Variants in ERC1 observed in about 807,000 individuals in gnomAD.
The protein encoded by ERC1 is RAB6 interacting protein 2.
Under a neutral mutation model 132.0 loss-of-function variants are expected in ERC1, and 56 were observed. That is an observed-to-expected ratio of 0.42 (90% CI 0.34 to 0.53). The LOEUF is 0.53. Among genes scored for constraint, ERC1 ranks in the 20% least tolerant of loss-of-function variants. The pLI, the probability that ERC1 is intolerant of heterozygous loss-of-function variation, is 0.03. For synonymous variants in ERC1, 478 were observed against 476.1 expected, an observed-to-expected ratio of 1.00 and a Z score of -0.05; for missense variants, 1,202 against 1,349.9, an observed-to-expected ratio of 0.89 and a Z score of 1.72.
intron 15 of ERC1, among the ~76,000 whole-genome samples, chr12:1,326,210 A>G (rs2082434435): frequency 6.6e-6 from 1 of 152,194 alleles, no homozygotes; most frequent in Non-Finnish European, 1.5e-5. Context: ...GGTAAAGTGA[A>G]CAAGGTGTTA....
rs559962810 is a variant in ERC1 at position 1,241,642 on chromosome 12, TTTAAC to T, written c.2487+4747_2487+4751del. On this transcript the variant is annotated intron_variant, in intron 13 of 18. Transcript: ENST00000360905. ...ATTGCTTTAATGCATGTGGAATTTATTTAACTTAACTTACAAAACATAGATTTAAA... is the reference window on the plus strand; with the variant it reads ...ATTGCTTTAATGCATGTGGAATTTATTTAACTTACAAAACATAGATTTAAA... Among the ~76,000 whole-genome samples, 249 of 152,232 alleles carry T rather than the reference TTTAAC, an allele frequency of 1.6e-3. 1 individual carries two copies. Among genetic ancestry groups the T allele is most frequent in the Middle Eastern group, 6.8e-3 (2 of 294 alleles).
intron 8 of ERC1, among the ~76,000 whole-genome samples, chr12:1,147,013 C>T (rs1363298244): frequency 6.6e-6 from 1 of 152,120 alleles, no homozygotes; most frequent in African/African-American, 2.4e-5. Flanking sequence ...TTTCTTAATC[C>T]AGTCTATCGT....
intron 16 of ERC1, among the ~76,000 whole-genome samples, chr12:1,389,148 C>T (rs1220852657): frequency 1.3e-5 from 2 of 152,074 alleles, no homozygotes; most frequent in African/African-American, 4.8e-5. Context: ...AAGTGGTCTC[C>T]CTAATTAAAA....
At chr12:1,448,563 A>T (rs1037201446) in intron 18 of ERC1, among the ~76,000 whole-genome samples, 2 of 152,198 alleles carry the variant, frequency 1.3e-5, no homozygotes, top group African/African-American at 4.8e-5. Context: ...ATATTGGTTT[A>T]TTTTGTGTGC....
chr12:1,122,492 T>A (rs2154220084), intron 7 of ERC1, among the ~76,000 whole-genome samples: 1 of 87,704 alleles, frequency 1.1e-5, no homozygotes, highest in South Asian at 3.2e-4. Context: ...TCTCTATCTC[T>A]ATCTCTATCT....
At chr12:1,200,725 GT>G (rs1325412758) in intron 12 of ERC1, among the ~76,000 whole-genome samples, 3 of 151,870 alleles carry the variant, frequency 2.0e-5, no homozygotes, top group Admixed American at 2.0e-4. Flanking sequence ...CAGCCGGCTA[GT>G]TTTTTGTATT....
At chr12:1,059,665 C>T (rs989938468) in intron 2 of ERC1, among the ~76,000 whole-genome samples, 4 of 152,030 alleles carry the variant, frequency 2.6e-5, no homozygotes, top group African/African-American at 7.2e-5. Context: ...TTGAACCATC[C>T]TTGCATCCCT....
intron 18 of ERC1, among the ~76,000 whole-genome samples, chr12:1,461,907 A>G (rs1479095209): frequency 6.6e-6 from 1 of 152,196 alleles, no homozygotes; most frequent in Non-Finnish European, 1.5e-5. Flanking sequence ...ACTGGGAAAA[A>G]ATATTCACTA....
At position 1,180,599 on chromosome 12, in the gene ERC1, A is replaced by C; in HGVS notation, c.1797A>C (p.Glu599Asp). The C allele has an allele frequency of 6.2e-7, 1 of 1,614,082 alleles. No homozygotes were observed. The highest frequency in any genetic ancestry group is 2.2e-5 in the East Asian group (1 of 44,886). ...DKEKQMSSLK[E>D]RVKSLQADTT... ...AAAAGCAGATGAGCAGCTTGAAAGA[A>C]CGGGTCAAATCCTTGCAGGCTGACA... is the stretch of plus-strand genomic sequence containing the variant. Residue 599 changes from glutamate (E) to aspartate (D), a missense_variant, in exon 9 of 19, where the codon GAA (glutamate) becomes GAC (aspartate). Coordinates refer to ENST00000360905, the MANE Select transcript of ERC1 (RefSeq NM_178040.4).
rs140406973 is a variant in ERC1 at position 1,266,037 on chromosome 12, A to G, written c.2619+2872A>G. Among the ~76,000 whole-genome samples the G allele has an allele frequency of 1.3e-4, 20 of 152,296 alleles. No individual in the cohort carries two copies. The East Asian group carries it at 3.1e-3, about 24-fold the overall frequency. ...TTCACATGCAGACTTTGGTGTGGAT[A>G]TAAGTTTTCAGCTCATTTGGGTAAA... On this transcript the variant is annotated intron_variant, in intron 14 of 18. Transcript: ENST00000360905.
At chr12:1,170,844 T>A (rs2154265783) in intron 8 of ERC1, among the ~76,000 whole-genome samples, 1 of 152,284 alleles carries the variant, frequency 6.6e-6, no homozygotes, top group African/African-American at 2.4e-5. Flanking sequence ...ACTCTGAAAA[T>A]ATATTTTCTT....
chr12:1,237,614 C>G (rs557742850), intron 13 of ERC1, among the ~76,000 whole-genome samples: 7 of 152,322 alleles, frequency 4.6e-5, no homozygotes, highest in African/African-American at 1.4e-4. Flanking sequence ...ATACATTTTG[C>G]ACCGGGGGAA....
intron 15 of ERC1, among the ~76,000 whole-genome samples, chr12:1,335,194 C>G (rs892465709): frequency 6.6e-6 from 1 of 152,166 alleles, no homozygotes; most frequent in Admixed American, 6.5e-5. Context: ...TTAATTTCCT[C>G]TCTTCCCATT....
chr12:1,136,124 C>T (rs1949228556), intron 7 of ERC1, among the ~76,000 whole-genome samples: 1 of 152,178 alleles, frequency 6.6e-6, no homozygotes, highest in African/African-American at 2.4e-5. Context: ...CTCTTTTATC[C>T]CTTATATACA....
chr12:1,121,936 T>TTG lies in ERC1; in HGVS notation c.1569+5903_1569+5904insTG, dbSNP rs1566015944. Among the ~76,000 whole-genome samples, 8 of 2,810 alleles carry TTG rather than the reference T, an allele frequency of 2.8e-3. 1 individual carries two copies. In the Non-Finnish European group the frequency reaches 0.08, roughly 28 times the overall value. The allele number at this position is 2,810 out of a possible 152,430, so 1.8% of individuals were successfully genotyped here. On this transcript the variant is annotated intron_variant, in intron 7 of 18. Coordinates refer to ENST00000360905, the MANE Select transcript of ERC1 (RefSeq NM_178040.4). ...CTATCTCTATCTCTATCTGTGTCTC[T>TTG]ATCTATCTCTATCTCTATCTCTATC...
At chr12:1,322,789 G>T (rs1401008927) in intron 15 of ERC1, among the ~76,000 whole-genome samples, 1 of 151,960 alleles carries the variant, frequency 6.6e-6, no homozygotes, top group African/African-American at 2.4e-5. Flanking sequence ...CTTTTAACTT[G>T]GTTCTCCAGC....
intron 11 of ERC1, among the ~76,000 whole-genome samples, chr12:1,188,265 G>A (rs2968900): frequency 1.3e-5 from 2 of 151,648 alleles, no homozygotes; most frequent in Non-Finnish European, 2.9e-5. Flanking sequence ...CAATCTCTTC[G>A]CCTTTGTTGT....
Position 1,256,683 on chromosome 12 carries a change from T to G in ERC1, c.2488-6351T>G, listed in dbSNP as rs546259088. Among the ~76,000 whole-genome samples, 4 of 151,076 alleles carry G rather than the reference T, an allele frequency of 2.6e-5. No homozygotes were observed. The East Asian group carries it at 7.8e-4, about 30-fold the overall frequency. ...TTCAAATCACTTGCAGAGTTTATTCTGAATAATTCCTGACATAATGCATAT... is the reference window on the plus strand; with the variant it reads ...TTCAAATCACTTGCAGAGTTTATTCGGAATAATTCCTGACATAATGCATAT... On this transcript the variant is annotated intron_variant, in intron 13 of 18. Coordinates refer to ENST00000360905, the MANE Select transcript of ERC1 (RefSeq NM_178040.4).
At chr12:1,138,769 G>T (rs1307238061) in intron 7 of ERC1, among the ~76,000 whole-genome samples, 1 of 152,194 alleles carries the variant, frequency 6.6e-6, no homozygotes, top group Non-Finnish European at 1.5e-5. Context: ...CAAAGGTTAG[G>T]CAGTGCTGGT....
Sources: gnomAD v4.1 joint callset for allele counts (sites outside exome capture counted in the v4.1 genomes callset) on GRCh38, gnomAD v4.1.1 for gene constraint, MANE v1.5 for transcripts, NCBI Gene and HGNC (gene_info 2026-07-23, HGNC 2026-07-21) for gene names.